Variants in DMD observed in about 807,000 individuals in gnomAD.
DMD encodes the protein mutant dystrophin.
A neutral mutation model predicts 330.1 loss-of-function variants in DMD; 63 were observed. The observed-to-expected ratio is 0.19, with a 90% CI of 0.16 to 0.24. The LOEUF (loss-of-function observed/expected upper bound fraction) is 0.24. Among genes scored for constraint, DMD ranks in the 10% least tolerant of loss-of-function variants. The pLI is 1.00. For synonymous variants in DMD, 1,223 were observed against 959.8 expected (o/e 1.27, Z -5.07); for missense variants, 3,344 against 2,684.1 (o/e 1.25, Z -5.43).
At chrX:32,353,975 A>T (rs1162194989) in intron 37 of DMD, among the ~76,000 whole-genome samples, 1 of 111,942 alleles carries the variant, frequency 8.9e-6, no homozygotes, top group East Asian at 2.8e-4. Flanking sequence ...AACAAAGGAT[A>T]ACAGACTGAA....
At chrX:32,408,373 A>T (rs2098127687) in intron 30 of DMD, among the ~76,000 whole-genome samples, 1 of 111,978 alleles carries the variant, frequency 8.9e-6, no homozygotes, top group African/African-American at 3.2e-5. Context: ...TCCTATAGTA[A>T]TAAATGCCAA....
intron 1 of DMD, among the ~76,000 whole-genome samples, chrX:33,140,399 G>C (rs12556158): frequency 9.0e-6 from 1 of 111,647 alleles, no homozygotes; most frequent in Non-Finnish European, 1.9e-5. Context: ...GTACAAAGAT[G>C]TTCAGGAGGA....
chrX:32,202,688 T>G (rs945569156), intron 44 of DMD, among the ~76,000 whole-genome samples: 2 of 111,958 alleles, frequency 1.8e-5, no homozygotes, highest in Non-Finnish European at 3.8e-5. Flanking sequence ...ACACAACACC[T>G]TCAGATGGAT....
At chrX:32,538,821 C>T (rs950005073) in intron 17 of DMD, among the ~76,000 whole-genome samples, 7 of 111,048 alleles carry the variant, frequency 6.3e-5, no homozygotes, top group Non-Finnish European at 3.8e-5. Context: ...TGTTGTCATG[C>T]CAGTGCGAGG....
chrX:31,339,366 T>C (rs898190405), intron 61 of DMD, among the ~76,000 whole-genome samples: 9 of 111,503 alleles, frequency 8.1e-5, no homozygotes, highest in African/African-American at 2.9e-4. Context: ...AAGGCTGTCT[T>C]TGAATTTATA....
At chrX:32,739,679 T>C (rs1433142742) in intron 7 of DMD, among the ~76,000 whole-genome samples, 2 of 111,800 alleles carry the variant, frequency 1.8e-5, no homozygotes, top group Non-Finnish European at 1.9e-5. Context: ...AATGTGACCA[T>C]GGACAGTCGA....
rs1420427660 is a variant in DMD at position 31,212,904 on chromosome X, G to C, written c.9362-3205C>G. Among the ~76,000 whole-genome samples the C allele has an allele frequency of 2.7e-5, 3 of 112,205 alleles. No individual in the cohort carries two copies. In the East Asian group the frequency reaches 8.4e-4, roughly 32 times the overall value. ...AACAGAAGCACCAAAAAGTTGGTTA[G>C]TGGAGAAAAAAAAAGTCTCATGGTG... On this transcript the variant is annotated intron_variant, in intron 64 of 78. Transcript: ENST00000357033.
At chrX:33,304,482 T>C (rs1335929821) in intron 1 of DMD, among the ~76,000 whole-genome samples, 3 of 110,457 alleles carry the variant, frequency 2.7e-5, no homozygotes, top group African/African-American at 9.9e-5. Context: ...AACCTAGGCA[T>C]TACCATTCAG....
At chrX:32,818,549 T>C (rs1451222452) in intron 5 of DMD, among the ~76,000 whole-genome samples, 1 of 111,872 alleles carries the variant, frequency 8.9e-6, no homozygotes, top group African/African-American at 3.2e-5. Flanking sequence ...TAAACAGATG[T>C]ATTTGTGTGT....
In DMD at chrX:31,357,537, A is replaced by G. The variant is rs1423574593; in HGVS notation, c.9085-8903T>C. On this transcript the variant is annotated intron_variant, in intron 60 of 78. Transcript: ENST00000357033. The stretch of plus-strand genomic sequence containing the variant: ...GGTAACAATATACTTGTAGATTTTC[A>G]GTTTGTTCTACTAAACACTTCTTTA... Among the ~76,000 whole-genome samples, 7 of 111,977 alleles carry G rather than the reference A, an allele frequency of 6.3e-5. No individual in the cohort carries two copies. The South Asian group carries it at 2.3e-3, about 36-fold the overall frequency.
intron 42 of DMD, among the ~76,000 whole-genome samples, chrX:32,303,029 A>G (rs763960240): frequency 9.0e-5 from 10 of 111,176 alleles, no homozygotes; most frequent in Non-Finnish European, 1.9e-4. Flanking sequence ...ATGTGGAAAA[A>G]TGTTAGTAAT....
At chrX:32,603,637 G>C (rs1014981902) in intron 12 of DMD, among the ~76,000 whole-genome samples, 1 of 110,818 alleles carries the variant, frequency 9.0e-6, no homozygotes, top group Non-Finnish European at 1.9e-5. Context: ...AAAAACAGAA[G>C]AATCAAATAA....
chrX:31,536,398 T>G (rs1417334332), intron 55 of DMD, among the ~76,000 whole-genome samples: 5 of 110,910 alleles, frequency 4.5e-5, no homozygotes, highest in African/African-American at 1.6e-4. Flanking sequence ...GGAAAAGAGG[T>G]AGAAATAAGA....
At chrX:32,916,694 A>AT (rs1281979698) in intron 2 of DMD, among the ~76,000 whole-genome samples, 1 of 111,289 alleles carries the variant, frequency 9.0e-6, no homozygotes, top group African/African-American at 3.3e-5. Context: ...AGAGTAAAAT[A>AT]TTTTTTTCCA....
chrX:33,296,525 T>C (rs1185313070), intron 1 of DMD, among the ~76,000 whole-genome samples: 2 of 110,624 alleles, frequency 1.8e-5, no homozygotes, highest in Non-Finnish European at 3.8e-5. Flanking sequence ...TAGGAGAATA[T>C]AGACTGTAGG....
At position 32,816,417 on chromosome X, in the gene DMD, G is replaced by A; in HGVS notation, c.530+51C>T. The A allele has an allele frequency of 5.1e-6, 6 of 1,181,789 alleles. No homozygotes were observed. The South Asian group carries it at 8.9e-5, about 18-fold the overall frequency. ...TACTGGGGAAAAATATGTCATCAGA[G>A]TCTAAATCACCACTTTTACAAGTTA... On this transcript the variant is annotated intron_variant, in intron 6 of 78. Transcript: ENST00000357033.
chrX:33,112,474 C>A (rs73453823), intron 1 of DMD, among the ~76,000 whole-genome samples: 1 of 111,255 alleles, frequency 9.0e-6, no homozygotes, highest in Non-Finnish European at 1.9e-5. Flanking sequence ...GAGTCTATAA[C>A]GCTATGCGGT....
intron 60 of DMD, among the ~76,000 whole-genome samples, chrX:31,387,560 T>C (rs1011494441): frequency 1.1e-4 from 12 of 111,118 alleles, no homozygotes; most frequent in African/African-American, 3.9e-4. Context: ...CCACTATGCC[T>C]GGCTAAGTTT....
intron 34 of DMD, among the ~76,000 whole-genome samples, chrX:32,376,715 T>G (rs979927514): frequency 1.6e-4 from 17 of 105,527 alleles, no homozygotes; most frequent in African/African-American, 4.7e-4. Context: ...AGAATCCAAT[T>G]TTTTTTTTTT....
Sources: gnomAD v4.1 joint callset for allele counts (sites outside exome capture counted in the v4.1 genomes callset) on GRCh38, gnomAD v4.1.1 for gene constraint, MANE v1.5 for transcripts, NCBI Gene and HGNC (gene_info 2026-07-23, HGNC 2026-07-21) for gene names.